Variants in GRID1 observed in about 807,000 individuals in gnomAD.
The protein encoded by GRID1 is glutamate receptor ionotropic, delta-1.
In GRID1, 28 loss-of-function variants were observed where a neutral mutation model predicts 98.0. That is an observed-to-expected ratio of 0.29 (90% CI 0.21 to 0.39). The LOEUF is 0.39. Ranked by LOEUF, GRID1 falls within the 10% of genes least tolerant of loss-of-function variation. The pLI is 1.00. For missense variants in GRID1, 1,111 were observed against 1,340.5 expected, an observed-to-expected ratio of 0.83 and a Z score of 2.67; for synonymous variants, 553 against 538.5, an observed-to-expected ratio of 1.03 and a Z score of -0.37.
chr10:86,295,943 C>G (rs935908883), intron 2 of GRID1, among the ~76,000 whole-genome samples: 11 of 152,230 alleles, frequency 7.2e-5, no homozygotes, highest in Non-Finnish European at 2.9e-5. Context: ...ATCCATCCCC[C>G]CTACAGACAG....
At chr10:85,661,230 G>T (rs1468320621) in intron 12 of GRID1, among the ~76,000 whole-genome samples, 4 of 151,612 alleles carry the variant, frequency 2.6e-5, no homozygotes, top group Middle Eastern at 3.4e-3. Flanking sequence ...CAGCACTCTG[G>T]TCTTAGACCG....
intron 4 of GRID1, among the ~76,000 whole-genome samples, chr10:85,917,608 C>T (rs532642998): frequency 2.0e-5 from 3 of 152,340 alleles, no homozygotes; most frequent in Admixed American, 6.5e-5. Flanking sequence ...TGACTCACTC[C>T]CAACAAATGA....
At chr10:86,283,734 TAC>T (rs1847388663) in intron 2 of GRID1, among the ~76,000 whole-genome samples, 2 of 140,062 alleles carry the variant, frequency 1.4e-5, no homozygotes, top group Admixed American at 7.0e-5. Context: ...CCTGCCCTCA[TAC>T]ACACACCTCC....
intron 2 of GRID1, among the ~76,000 whole-genome samples, chr10:86,256,616 T>C (rs1205447198): frequency 1.3e-5 from 2 of 152,060 alleles, no homozygotes; most frequent in African/African-American, 4.8e-5. Flanking sequence ...CTCTCTCTCT[T>C]CATATATGTA....
intron 3 of GRID1, among the ~76,000 whole-genome samples, chr10:86,154,461 C>A (rs1004758039): frequency 6.6e-6 from 1 of 152,092 alleles, no homozygotes; most frequent in South Asian, 2.1e-4. Flanking sequence ...GAATGTCGAG[C>A]CCCAAGGGCC....
chr10:85,928,341 A>T (rs1841803856), intron 4 of GRID1, among the ~76,000 whole-genome samples: 1 of 152,262 alleles, frequency 6.6e-6, no homozygotes, highest in Admixed American at 6.5e-5. Context: ...GAGTAATCAC[A>T]GGAGCGGACA....
Position 86,086,421 on chromosome 10 carries a change from C to T in GRID1, c.726+52398G>A, listed in dbSNP as rs376791030. The stretch of plus-strand genomic sequence containing the variant: ...GCACCCATTGTTTTATTGGATCTAT[C>T]AGGAGATTGCTTTTAAATAGGAACG... On this transcript the variant is annotated intron_variant, in intron 4 of 15. Coordinates refer to ENST00000327946, the MANE Select transcript of GRID1 (RefSeq NM_017551.3). Among the ~76,000 whole-genome samples, 6 of 152,282 alleles carry T rather than the reference C, an allele frequency of 3.9e-5. No individual in the cohort carries two copies. The East Asian group carries it at 7.7e-4, about 20-fold the overall frequency.
chr10:86,191,091 T>C (rs1845796711), intron 3 of GRID1, among the ~76,000 whole-genome samples: 1 of 152,032 alleles, frequency 6.6e-6, no homozygotes, highest in South Asian at 2.1e-4. Flanking sequence ...CTCAGGCCTG[T>C]TACATGCATT....
At position 85,916,849 on chromosome 10, in the gene GRID1, T is replaced by C. The variant is rs1322594669; in HGVS notation, c.727-610A>G. Among the ~76,000 whole-genome samples, 1 of 152,256 alleles carries C rather than the reference T, an allele frequency of 6.6e-6. No homozygotes were observed. The highest frequency in any genetic ancestry group is 1.5e-5 in the Non-Finnish European group (1 of 68,050). ...CTTGCCATCTTTGTGCTTGAATGGC[T>C]ATCAGTTTACTTATTTCTTATTGTC... On this transcript the variant is annotated intron_variant, in intron 4 of 15. Transcript: ENST00000327946. This position sits in a 1 kb window ranked among gnomAD's most constrained non-coding sequence, Gnocchi z 4.0.
chr10:86,210,364 T>C (rs1359825673), intron 2 of GRID1, among the ~76,000 whole-genome samples: 3 of 152,184 alleles, frequency 2.0e-5, no homozygotes, highest in African/African-American at 7.2e-5. Flanking sequence ...CACACAGCCA[T>C]GGGCATGTCC....
chr10:85,911,229 T>G (rs1039555311), intron 5 of GRID1, among the ~76,000 whole-genome samples: 1 of 152,162 alleles, frequency 6.6e-6, no homozygotes, highest in African/African-American at 2.4e-5. Context: ...ACCAGAAGGA[T>G]GGGGACAGTG....
chr10:86,144,901 C>T lies in GRID1; in HGVS notation c.521-5877G>A, dbSNP rs117556364. On this transcript the variant is annotated intron_variant, in intron 3 of 15. Transcript: ENST00000327946. ...TCAACTTCTCCTCCTAAACATTTCC[C>T]GAGTTCCACTCTCCCTTCTCAGGTT... is the stretch of plus-strand genomic sequence containing the variant. Among the ~76,000 whole-genome samples the T allele has an allele frequency of 7.6e-4, 116 of 152,256 alleles. 2 individuals carry two copies. In the East Asian group the frequency reaches 0.022, roughly 29 times the overall value.
At chr10:85,922,773 A>G (rs577910356) in intron 4 of GRID1, among the ~76,000 whole-genome samples, 21 of 152,304 alleles carry the variant, frequency 1.4e-4, no homozygotes, top group African/African-American at 4.1e-4. Flanking sequence ...CCTGTTTAAA[A>G]GGAAATCAGC....
chr10:85,981,760 G>T (rs945184413), intron 4 of GRID1, among the ~76,000 whole-genome samples: 1 of 152,132 alleles, frequency 6.6e-6, no homozygotes, highest in African/African-American at 2.4e-5. Context: ...GCTGTTGCAG[G>T]CATGGAGAAT....
chr10:85,888,183 C>G (rs923141322), intron 5 of GRID1, among the ~76,000 whole-genome samples: 4 of 152,230 alleles, frequency 2.6e-5, no homozygotes, highest in African/African-American at 9.6e-5. Flanking sequence ...GCAATAGCTT[C>G]TGCTCACTGT....
chr10:85,896,449 T>G (rs1199889944), intron 5 of GRID1, among the ~76,000 whole-genome samples: 4 of 152,200 alleles, frequency 2.6e-5, no homozygotes, highest in African/African-American at 9.7e-5. Flanking sequence ...GTCTTTATAT[T>G]GTTGTGATAC....
intron 2 of GRID1, among the ~76,000 whole-genome samples, chr10:86,242,439 T>C (rs1846652899): frequency 6.6e-6 from 1 of 152,082 alleles, no homozygotes; most frequent in Admixed American, 6.5e-5. Flanking sequence ...TCCCAGGACA[T>C]CCAAGAAAGG....
intron 3 of GRID1, among the ~76,000 whole-genome samples, chr10:86,184,464 T>TTTC (rs1426646391): frequency 1.4e-5 from 2 of 146,968 alleles, no homozygotes; most frequent in African/African-American, 4.9e-5. Flanking sequence ...CTTTTTTCTT[T>TTTC]TTTTTTTTTT....
At chr10:85,790,807 C>T (rs1165656511) in intron 8 of GRID1, among the ~76,000 whole-genome samples, 2 of 152,228 alleles carry the variant, frequency 1.3e-5, no homozygotes, top group Non-Finnish European at 2.9e-5. Context: ...CCGCTCCTCA[C>T]AACCTCTCAA....
Sources: gnomAD v4.1 joint callset for allele counts (sites outside exome capture counted in the v4.1 genomes callset) on GRCh38, gnomAD v4.1.1 for gene constraint, Gnocchi (gnomAD v3.1) non-coding constraint, MANE v1.5 for transcripts, NCBI Gene and HGNC (gene_info 2026-07-23, HGNC 2026-07-21) for gene names.